The following ZMYM1 variants were observed in gnomAD, a reference collection of about 807,000 sequenced individuals.
ZMYM1 encodes the protein zinc finger MYM-type protein 1.
In ZMYM1, 39 loss-of-function variants were observed where a neutral mutation model predicts 60.0. That is an observed-to-expected ratio of 0.65 (90% CI 0.50 to 0.85). ZMYM1 has a LOEUF of 0.85. Among genes scored for constraint, ZMYM1 ranks in the 40% least tolerant of loss-of-function variants. The probability of loss-of-function intolerance (pLI) is 0.00; values close to 1 mark genes in which losing one functional copy is unlikely to be tolerated. For missense variants in ZMYM1, 1,171 were observed against 1,309.5 expected (o/e 0.89, Z 1.63); for synonymous variants, 413 against 454.0 (o/e 0.91, Z 1.15).
downstream of ZMYM1, among the ~76,000 whole-genome samples, chr1:35,117,127 G>C (rs1469751921): frequency 1.1e-5 from 1 of 90,740 alleles, no homozygotes; most frequent in East Asian, 2.2e-4. Flanking sequence ...CACCGCGCCC[G>C]GCCTTTTTTT....
At chr1:35,106,883 G>A (rs1416862024) in intron 6 of ZMYM1, among the ~76,000 whole-genome samples, 2 of 150,872 alleles carry the variant, frequency 1.3e-5, no homozygotes, top group Non-Finnish European at 3.0e-5. Context: ...ACGGAGTCTC[G>A]CTCTGTCGCC....
At position 35,113,325 on chromosome 1, in the gene ZMYM1, G is replaced by A. The variant is rs373779026; in HGVS notation, c.1495G>A (p.Gly499Arg). 3.6e-5 allele frequency: 58 copies of A among 1,613,006 alleles called. No individual in the cohort carries two copies. Among genetic ancestry groups the A allele is most frequent in the African/African-American group, 2.9e-4 (22 of 74,948 alleles). Residue 499 changes from glycine to arginine, a missense_variant, in exon 10 of 10, where the codon GGA (glycine) becomes AGA (arginine). Coordinates refer to ENST00000359858, the MANE Select transcript of ZMYM1 (RefSeq NM_024772.5). ...TGGAAGAGAGTCATTTGCAACCCACGGAACTTCTAATTGGAAAAAAACCCT... is the reference window on the plus strand; with the variant it reads ...TGGAAGAGAGTCATTTGCAACCCACAGAACTTCTAATTGGAAAAAAACCCT... ...SCGRESFATHGTSNWKKTLEK... is the reference protein window; with the variant it reads ...SCGRESFATHRTSNWKKTLEK...
chr1:35,104,630 C>G lies in ZMYM1; in HGVS notation c.668C>G (p.Ser223Cys). 3.1e-6 allele frequency: 5 copies of G among 1,614,178 alleles called. No homozygotes were observed. Among genetic ancestry groups the G allele is most frequent in the Non-Finnish European group, 4.2e-6 (5 of 1,180,026 alleles). ...CSNACLSKFH[S>C]ANNFIMNCCE... is the part of the protein sequence containing the mutation. ...AATGCCTGCCTTTCAAAGTTTCACT[C>G]TGCTAACAACTTCATCATGAACTGC... The change falls in exon 6 of 10, where the codon TCT (serine) becomes TGT (cysteine). Residue 223 changes from serine to cysteine, a missense_variant. Transcript: ENST00000359858.
chr1:35,064,584 G>C (rs1242936291), intron 1 of ZMYM1, among the ~76,000 whole-genome samples: 1 of 146,310 alleles, frequency 6.8e-6, no homozygotes, highest in African/African-American at 2.5e-5. Flanking sequence ...AAATAATTAA[G>C]ATAATAAACA....
chr1:35,091,310 T>C (rs1397811875), intron 1 of ZMYM1, among the ~76,000 whole-genome samples: 1 of 152,018 alleles, frequency 6.6e-6, no homozygotes, highest in East Asian at 1.9e-4. Context: ...TCTCCCGGGT[T>C]CACACCATTC....
chr1:35,111,865 C>T lies in ZMYM1; in HGVS notation c.1055C>T (p.Ala352Val). The T allele has an allele frequency of 6.2e-7, 1 of 1,605,694 alleles. No homozygotes were observed. The highest frequency in any genetic ancestry group is 8.5e-7 in the Non-Finnish European group (1 of 1,174,916). ...TPVISNIVSL[A>V]DTDVALPIMN... ...GTTATAAGCAATATAGTGTCATTGG[C>T]AGACACCGATGTTGCCTTGCCCATC... Residue 352 changes from alanine to valine, a missense_variant, in exon 8 of 10, where the codon GCA (alanine) becomes GTA (valine). Transcript: ENST00000359858.
At chr1:35,105,219 C>T (rs755468112) in intron 6 of ZMYM1, among the ~76,000 whole-genome samples, 1 of 133,722 alleles carries the variant, frequency 7.5e-6, no homozygotes, top group Non-Finnish European at 1.5e-5. Flanking sequence ...ACTGCAAGTT[C>T]TGCCTCGCGG....
intron 9 of ZMYM1, among the ~76,000 whole-genome samples, chr1:35,112,586 ATATT>A (rs1557713644): frequency 6.8e-6 from 1 of 146,230 alleles, no homozygotes; most frequent in Non-Finnish European, 1.5e-5. Flanking sequence ...ATTATAATGT[ATATT>A]TATTATATAT....
chr1:35,105,875 G>A lies in ZMYM1; in HGVS notation c.807+1106G>A, dbSNP rs1643877041. 3.9e-5 allele frequency among the ~76,000 whole-genome samples: 6 copies of A among 152,292 alleles called. No homozygotes were observed. The South Asian group carries it at 1.2e-3, about 32-fold the overall frequency. On this transcript the variant is annotated intron_variant, in intron 6 of 9. Transcript: ENST00000359858. ...TCCTGCCTTGGTCTCCTAAGGTGCT[G>A]GGATTACAGATGTGAGCCTAGCCAT...
chr1:35,112,952 G>A, intron 9 of ZMYM1, 25 bp from the exon 10 acceptor site: 1 of 1,494,416 alleles, frequency 6.7e-7, no homozygotes, highest in Non-Finnish European at 8.9e-7. Context: ...ACTGTTAAAT[G>A]TTCTTTTCTC....
At chr1:35,106,257 GTTGC>G (rs1643885852) in intron 6 of ZMYM1, among the ~76,000 whole-genome samples, 1 of 152,048 alleles carries the variant, frequency 6.6e-6, no homozygotes, top group Non-Finnish European at 1.5e-5. Context: ...TCTTAGATAT[GTTGC>G]TTGTTCATAT....
intron 1 of ZMYM1, among the ~76,000 whole-genome samples, chr1:35,088,446 ATATATATATGTGTGTGTGTGTG>A (rs1642788455): frequency 8.6e-6 from 1 of 116,312 alleles, no homozygotes; most frequent in African/African-American, 3.5e-5. Flanking sequence ...ATATATATAT[ATATATATATGTGTGTGTGTGTG>A]TGTGTGTGTG....
Position 35,113,060 on chromosome 1 carries a change from A to T in ZMYM1, c.1230A>T (p.Ser410=). ...TEQPSVSPSS[S]VFSQHAIGSS... ...AGCCAAGCGTTTCACCATCTTCATC[A>T]GTATTCAGTCAGCATGCAATTGGTT... The change falls in exon 10 of 10, where the codon TCA becomes TCT. Residue 410 remains serine (S), a synonymous_variant. Transcript: ENST00000359858. The T allele has an allele frequency of 6.2e-7, 1 of 1,613,982 alleles. No homozygotes were observed. The highest frequency in any genetic ancestry group is 8.5e-7 in the Non-Finnish European group (1 of 1,179,948).
At chr1:35,085,149 G>A (rs573856918) in intron 1 of ZMYM1, among the ~76,000 whole-genome samples, 5 of 151,924 alleles carry the variant, frequency 3.3e-5, no homozygotes, top group South Asian at 4.2e-4. Flanking sequence ...CTGGGTTCAC[G>A]CCCTTCTCCT....
intron 6 of ZMYM1, among the ~76,000 whole-genome samples, chr1:35,105,003 A>G (rs564040074): frequency 6.6e-6 from 1 of 152,350 alleles, no homozygotes; most frequent in Admixed American, 6.5e-5. Flanking sequence ...AAAGGCAGGC[A>G]GGCTGGAGCC....
intron 4 of ZMYM1, among the ~76,000 whole-genome samples, chr1:35,101,052 C>A (rs997562643): frequency 6.6e-6 from 1 of 151,308 alleles, no homozygotes; most frequent in Non-Finnish European, 1.5e-5. Flanking sequence ...ATCCTCCTGG[C>A]TTGCCCTCCC....
intron 2 of ZMYM1, 51 bp downstream of exon 2, chr1:35,094,134 A>C: frequency 2.0e-6 from 3 of 1,502,136 alleles, no homozygotes; most frequent in East Asian, 2.3e-5. Context: ...TTTAACTATA[A>C]ATTTTAGTTA....
upstream of ZMYM1, among the ~76,000 whole-genome samples, chr1:35,078,537 A>ATTTTT (rs751468260): frequency 9.4e-4 from 77 of 82,218 alleles, 5 homozygotes; most frequent in South Asian, 4.7e-3. Flanking sequence ...GGTTATTTTA[A>ATTTTT]TTTTTTTTTT....
intron 6 of ZMYM1, among the ~76,000 whole-genome samples, chr1:35,109,205 A>C (rs1259639623): frequency 6.6e-6 from 1 of 151,448 alleles, no homozygotes; most frequent in Non-Finnish European, 1.5e-5. Flanking sequence ...ATTTTTATTT[A>C]TTTATTTATT....
Sources: allele counts gnomAD v4.1 joint callset (sites outside exome capture counted in the v4.1 genomes callset), GRCh38; gene constraint gnomAD v4.1.1; transcripts MANE v1.5; gene names NCBI Gene and HGNC (gene_info 2026-07-23, HGNC 2026-07-21).